Variants in CLN3 observed in about 807,000 individuals in gnomAD.
CLN3 encodes the protein battenin.
A neutral mutation model predicts 60.7 loss-of-function variants in CLN3; 49 were observed. The observed-to-expected ratio is 0.81, with a 90% CI of 0.64 to 1.02. The LOEUF (loss-of-function observed/expected upper bound fraction) is 1.02. CLN3 is among the 50% of genes least tolerant of loss of function. CLN3 has a pLI of 0.00. For synonymous variants in CLN3, 256 were observed against 245.8 expected (o/e 1.04, Z -0.39); for missense variants, 516 against 557.4 (o/e 0.93, Z 0.75).
intron 3 of CLN3, 50 bp from the exon 4 acceptor site, chr16:28,489,436 T>C: frequency 7.3e-7 from 1 of 1,361,510 alleles, no homozygotes; most frequent in South Asian, 1.2e-5. Flanking sequence ...TGCAGCCATC[T>C]GTAGCCTTTG....
At chr16:28,482,569 CG>C (rs1567257634) in intron 11 of CLN3, 24 bp from the exon 12 acceptor site, 3 of 1,614,032 alleles carry the variant, frequency 1.9e-6, no homozygotes, top group Non-Finnish European at 2.5e-6. Flanking sequence ...AAGATATAAG[CG>C]GGGGGCCTGG....
intron 14 of CLN3, among the ~76,000 whole-genome samples, chr16:28,479,201 G>C (rs1314686542): frequency 2.0e-5 from 3 of 152,226 alleles, no homozygotes; most frequent in African/African-American, 7.2e-5. Context: ...AGAATTGCCT[G>C]GGGATCTAGG....
At position 28,482,638 on chromosome 16, in the gene CLN3, C is replaced by T. The variant is rs2141704162; in HGVS notation, c.825G>A (p.Trp275Ter). ...SSSSLSLRER[W>*]TVFKGLLWYI... is the part of the protein sequence containing the mutation. ...CCATCATCCGAACCTTGAACACTGT[C>T]CACCTTTCCCGAAGGGAGAGGCTGG... Residue 275 changes from tryptophan (W) to a stop codon, truncating the protein, a stop_gained, in exon 11 of 16, where the codon TGG becomes TGA. Transcript: ENST00000636147. LOFTEE classifies it high-confidence loss of function. The T allele has an allele frequency of 6.2e-7, 1 of 1,614,206 alleles. No individual in the cohort carries two copies. The highest frequency in any genetic ancestry group is 8.5e-7 in the Non-Finnish European group (1 of 1,180,044).
intron 5 of CLN3, chr16:28,488,324 TTTTATA>T (rs762974011): frequency 5.9e-5 from 9 of 152,904 alleles, no homozygotes; most frequent in Non-Finnish European, 8.3e-5. Context: ...GTCTCAATTA[TTTTATA>T]TATATATATT....
At chr16:28,477,657 G>A (rs923628791) in intron 15 of CLN3, 22 bp from the exon 16 acceptor site, 1 of 1,613,906 alleles carries the variant, frequency 6.2e-7, no homozygotes, top group African/African-American at 1.3e-5. Flanking sequence ...GAGAGCAGGG[G>A]TGAGGCTTCA....
downstream of CLN3, chr16:28,475,359 T>C (rs1202414420): frequency 6.6e-6 from 1 of 152,310 alleles, no homozygotes; most frequent in African/African-American, 2.4e-5. Context: ...CATAGCATGA[T>C]CAGAGCTGAT....
rs1342527040 is a variant in CLN3 at position 28,491,508 on chromosome 16, C to G, written c.99G>C (p.Ala33=). 6.2e-7 allele frequency: 1 copy of G among 1,613,900 alleles called. No individual in the cohort carries two copies. The part of the protein sequence containing the change: ...PRLPLLDHQG[A]HWKNAVGFWL... ...AGAAGCCCACCGCGTTCTTCCAATG[C>G]GCGCCCTGATGGTCCAACAGAGGGA... The change falls in exon 3 of 16, where the codon GCG becomes GCC. Residue 33 remains alanine (A), a synonymous_variant. Transcript: ENST00000636147.
At chr16:28,481,598 C>T (rs1378799996) in intron 14 of CLN3, among the ~76,000 whole-genome samples, 1 of 152,076 alleles carries the variant, frequency 6.6e-6, no homozygotes, top group East Asian at 1.9e-4. Context: ...GTTCTGAGAC[C>T]TGCCCTAAGT....
intron 9 of CLN3, 28 bp downstream of exon 9, chr16:28,486,319 C>A (rs1394597678): frequency 2.5e-6 from 4 of 1,611,100 alleles, no homozygotes; most frequent in South Asian, 1.1e-5. Context: ...CCTTGGACCC[C>A]TCTCCCTCCC....
intron 9 of CLN3, among the ~76,000 whole-genome samples, chr16:28,485,668 C>A (rs2046199404): frequency 7.0e-6 from 1 of 142,266 alleles, no homozygotes; most frequent in South Asian, 2.2e-4. Context: ...TCGAGGCCAA[C>A]CTGGTCAACA....
Position 28,491,553 on chromosome 16 carries a change from C to T in CLN3, c.54G>A (p.Glu18=). The T allele has an allele frequency of 6.2e-7, 1 of 1,614,142 alleles. No homozygotes were observed. ...RRRFSDSEGE[E]TVPEPRLPLL... Reference sequence around the variant, plus strand: ...GAGGGAGCCGGGGCTCCGGGACGGTCTCCTCCCCTGGGAGAGCGAGAAGAG... The same window carrying T: ...GAGGGAGCCGGGGCTCCGGGACGGTTTCCTCCCCTGGGAGAGCGAGAAGAG... The change falls in exon 3 of 16, where the codon GAG becomes GAA. Residue 18 remains glutamate (E), a synonymous_variant. Transcript: ENST00000636147.
chr16:28,490,057 CAA>C (rs34443652), intron 3 of CLN3, among the ~76,000 whole-genome samples: 22 of 106,754 alleles, frequency 2.1e-4, no homozygotes, highest in Non-Finnish European at 1.5e-4. Context: ...GACTCTATCT[CAA>C]AAAAAAAAAA....
chr16:28,482,271 C>T, intron 13 of CLN3, 56 bp downstream of exon 13: 2 of 1,604,368 alleles, frequency 1.2e-6, no homozygotes, highest in African/African-American at 1.3e-5. Flanking sequence ...GCCTACTGGG[C>T]AGGGCAGCTG....
At chr16:28,470,676 AG>A (rs1366857106), downstream of CLN3, 1 of 490,388 alleles carries the variant, frequency 2.0e-6, no homozygotes, top group African/African-American at 2.0e-5. Flanking sequence ...GGGAAGGGAA[AG>A]GAGGAGAAGG....
Position 28,488,630 on chromosome 16 carries a change from G to T in CLN3, c.255C>A (p.Asn85Lys). 1.2e-6 allele frequency: 2 copies of T among 1,614,206 alleles called. No individual in the cohort carries two copies. The change falls in exon 5 of 16, where the codon AAC becomes AAA. Residue 85 changes from asparagine to lysine, a missense_variant. Coordinates refer to ENST00000636147, the MANE Select transcript of CLN3 (RefSeq NM_001042432.2). ...AGTTGCAGTCAAATCGTGATGAGCTGTTGTGGGGGATCGGCGTTGGGCCTG... is the reference window on the plus strand; with the variant it reads ...AGTTGCAGTCAAATCGTGATGAGCTTTTGTGGGGGATCGGCGTTGGGCCTG... ...VDPGPTPIPH[N>K]SSSRFDCNSV...
chr16:28,468,764 A>G, the CLN3 span, among the ~76,000 whole-genome samples: 1 of 114,604 alleles, frequency 8.7e-6, no homozygotes, highest in Non-Finnish European at 2.0e-5. Context: ...CCGAGATCGC[A>G]CCACTGCACT....
intron 10 of CLN3, among the ~76,000 whole-genome samples, chr16:28,483,632 A>T (rs776324939): frequency 8.6e-5 from 13 of 150,840 alleles, no homozygotes; most frequent in Non-Finnish European, 1.9e-4. Context: ...GGGCCTCAGC[A>T]CTTGTGATTG....
chr16:28,472,155 G>A (rs1395776877), downstream of CLN3, among the ~76,000 whole-genome samples: 1 of 152,230 alleles, frequency 6.6e-6, no homozygotes, highest in Non-Finnish European at 1.5e-5. Flanking sequence ...GCCCACGCCT[G>A]TAATCCCAGT....
Position 28,491,824 on chromosome 16 carries a change from A to T in CLN3, c.-65T>A. On this transcript the variant is annotated 5_prime_UTR_variant, in exon 2 of 16. Coordinates refer to ENST00000636147, the MANE Select transcript of CLN3 (RefSeq NM_001042432.2). ...AGTGTCCAAAGGGGGCTCCCACGGG[A>T]GGGATGAGGGTCTGCGACAGGTGAC... The T allele has an allele frequency of 6.3e-7, 1 of 1,587,902 alleles. No homozygotes were observed. The highest frequency in any genetic ancestry group is 8.6e-7 in the Non-Finnish European group (1 of 1,164,812).
Sources: gnomAD v4.1 joint callset for allele counts (sites outside exome capture counted in the v4.1 genomes callset) on GRCh38, gnomAD v4.1.1 for gene constraint, MANE v1.5 for transcripts, NCBI Gene and HGNC (gene_info 2026-07-23, HGNC 2026-07-21) for gene names.